Variants in TUBGCP6 observed in about 807,000 individuals in gnomAD.
The protein encoded by TUBGCP6 is gamma-tubulin complex component 6.
In TUBGCP6, 161 loss-of-function variants were observed where a neutral mutation model predicts 175.8. The ratio of observed to expected loss-of-function variants is 0.92; its 90% CI spans 0.81 to 1.04. The LOEUF is 1.04. Among genes scored for constraint, TUBGCP6 ranks in the 50% least tolerant of loss-of-function variants. The probability of loss-of-function intolerance (pLI) is 0.00; values close to 1 mark genes in which losing one functional copy is unlikely to be tolerated. For synonymous variants in TUBGCP6, 1,173 were observed against 1,030.5 expected (o/e 1.14, Z -2.65); for missense variants, 2,572 against 2,433.0 (o/e 1.06, Z -1.20).
Position 50,226,736 on chromosome 22 carries a change from G to C in TUBGCP6, c.1598C>G (p.Thr533Ser), listed in dbSNP as rs775128324. Residue 533 changes from threonine to serine, a missense_variant, in exon 7 of 25, where the codon ACC becomes AGC. Thr to Ser is a moderately conservative substitution (Grantham distance 58, BLOSUM62 1). Transcript: ENST00000248846. ...SLLKTSCEPY[T>S]RFIHDWVYSG... ...GCCTGCCCAGCCCACTGCCCACCGG[G>C]TGTAGGGCTCGCAGCTGGTCTTCAG... The C allele has an allele frequency of 1.3e-6, 2 of 1,580,584 alleles. No individual in the cohort carries two copies. The highest frequency in any genetic ancestry group is 8.6e-7 in the Non-Finnish European group (1 of 1,163,816).
rs1160140183 is a variant in TUBGCP6, at chr22:50,224,537, G to A, written c.2039C>T (p.Ala680Val). 6.2e-7 allele frequency: 1 copy of A among 1,614,188 alleles called. No homozygotes were observed. Among genetic ancestry groups the A allele is most frequent in the Non-Finnish European group, 8.5e-7 (1 of 1,180,036 alleles). Reference protein sequence around the residue: ...QELIAHAREAASRVLSALSDR... With the variant: ...QELIAHAREAVSRVLSALSDR... ...ACTCAGTGCACTCAGGACCCTGGAT[G>A]CTGCTTCCCGGGCATGAGCGATTAA... is the stretch of plus-strand genomic sequence containing the variant. Residue 680 changes from alanine (A) to valine (V), a missense_variant, in exon 11 of 25, where the codon GCA becomes GTA. Ala to Val is a moderately conservative substitution (Grantham distance 64). Coordinates refer to ENST00000248846, the MANE Select transcript of TUBGCP6 (RefSeq NM_020461.4).
In TUBGCP6 at chr22:50,226,045, C is replaced by G. The variant is rs774956801; in HGVS notation, c.1833+5G>C. 6.2e-7 allele frequency: 1 copy of G among 1,614,122 alleles called. No homozygotes were observed. The highest frequency in any genetic ancestry group is 1.1e-5 in the South Asian group (1 of 91,090). On this transcript the variant is annotated splice_donor_5th_base_variant and intron_variant, in intron 9 of 24. Transcript: ENST00000248846. ...TCTCTTCCCCACACATGAGCCCCTC[C>G]TCACCCGGGGGCAGCAGAGCTTCAG...
chr22:50,226,351 C>A lies in TUBGCP6; in HGVS notation c.1629G>T (p.Gly543=), dbSNP rs541009659. ...ACTCGCCATAAGCGTCTCTGAACAC[C>A]CCGCTGTACACCCAGTCGTGGATGA... The part of the protein sequence containing the change: ...TRFIHDWVYS[G]VFRDAYGEFM... The change falls in exon 8 of 25, where the codon GGG becomes GGT. Residue 543 remains glycine (G), a synonymous_variant. Coordinates refer to ENST00000248846, the MANE Select transcript of TUBGCP6 (RefSeq NM_020461.4). 2 of 1,612,366 alleles carry A rather than the reference C, an allele frequency of 1.2e-6. No individual in the cohort carries two copies. The highest frequency in any genetic ancestry group is 2.2e-5 in the South Asian group (2 of 90,894).
At chr22:50,227,794 G>C (rs56133520) in intron 5 of TUBGCP6, 113 bp downstream of exon 5, 3 of 1,436,804 alleles carry the variant, frequency 2.1e-6, no homozygotes, top group Non-Finnish European at 2.8e-6. Context: ...CGCCTGCTGA[G>C]GGCTGTTCTC....
chr22:50,224,041 G>A lies in TUBGCP6; in HGVS notation c.2270+100C>T, dbSNP rs115824792. 1,535 of 1,082,594 alleles carry A rather than the reference G, an allele frequency of 1.4e-3. 13 individuals carry two copies. The African/African-American group carries it at 0.023, about 16-fold the overall frequency. The allele number at this position is 1,082,594 out of a possible 1,614,324, so 67.1% of individuals were successfully genotyped here. A position where few individuals can be genotyped will look rare whatever the true frequency, so the allele number is the denominator to read the frequency against. Reference sequence around the variant, plus strand: ...CTTTCTACCTTAATGTATGTTTGAAGGTTTTCAAAACAAAAAGTAAAATCA... The same window carrying A: ...CTTTCTACCTTAATGTATGTTTGAAAGTTTTCAAAACAAAAAGTAAAATCA... On this transcript the variant is annotated intron_variant, in intron 13 of 24. Transcript: ENST00000248846.
rs749917931 is a variant in TUBGCP6 at position 50,218,744 on chromosome 22, T to G, written c.4780A>C (p.Asn1594His). The G allele has an allele frequency of 6.2e-7, 1 of 1,613,992 alleles. No homozygotes were observed. Residue 1594 changes from asparagine to histidine, a missense_variant, in exon 21 of 25, where the codon AAC (asparagine) becomes CAC (histidine). Asn to His is a moderately conservative substitution (Grantham distance 68). Coordinates refer to ENST00000248846, the MANE Select transcript of TUBGCP6 (RefSeq NM_020461.4). ...LKYLPEVFAP[N>H]APDVLSCLEL... ...AGGCAGCTCAGCACATCCGGGGCGT[T>G]GGGGGCAAACACCTCGGGCAGGTAC... is the stretch of plus-strand genomic sequence containing the variant.
chr22:50,224,330 ACCT>A lies in TUBGCP6; in HGVS notation c.2153_2154+1del. ...GACCCCGCAGGGACAGGTCCTACCC[ACCT>A]CCTGGTCCTTCACAAATTGTTCTTT... On this transcript the variant is annotated splice_donor_variant and coding_sequence_variant, in exon 12 of 25. Coordinates refer to ENST00000248846, the MANE Select transcript of TUBGCP6 (RefSeq NM_020461.4). LOFTEE classifies it high-confidence loss of function. The A allele has an allele frequency of 6.2e-7, 1 of 1,613,900 alleles. No homozygotes were observed. The highest frequency in any genetic ancestry group is 8.5e-7 in the Non-Finnish European group (1 of 1,179,974).
rs369920205 is a variant in TUBGCP6, at chr22:50,233,522, G to T, written c.910C>A (p.Pro304Thr). Residue 304 changes from proline (P) to threonine (T), a missense_variant, in exon 3 of 25, where the codon CCT becomes ACT. Coordinates refer to ENST00000248846, the MANE Select transcript of TUBGCP6 (RefSeq NM_020461.4). ...AGGTAAGGCTCCTCTCTGTGGCCAGGGGGGCTGCGAGGGGTGCAGAAGAGA... is the reference window on the plus strand; with the variant it reads ...AGGTAAGGCTCCTCTCTGTGGCCAGTGGGGCTGCGAGGGGTGCAGAAGAGA... ...RRCWERVGCP[P>T]GHREEPYLTE... 2.5e-6 allele frequency: 4 copies of T among 1,602,914 alleles called. No individual in the cohort carries two copies. The highest frequency in any genetic ancestry group is 3.4e-6 in the Non-Finnish European group (4 of 1,175,168).
rs201277381 is a variant in TUBGCP6, at chr22:50,224,253, G to A, written c.2158C>T (p.Arg720Cys). 15 of 1,613,970 alleles carry A rather than the reference G, an allele frequency of 9.3e-6. No homozygotes were observed. Among genetic ancestry groups the A allele is most frequent in the Middle Eastern group, 1.6e-4 (1 of 6,084 alleles). The part of the protein sequence containing the change: ...KEQFVKDQER[R>C]QAARQEELDD... Reference sequence around the variant, plus strand: ...AGCTCCTCCTGCCTGGCCGCCTGGCGTCGCTATAAAACACATAGAGCCTGG... The same window carrying A: ...AGCTCCTCCTGCCTGGCCGCCTGGCATCGCTATAAAACACATAGAGCCTGG... Residue 720 changes from arginine (R) to cysteine (C), a missense_variant, in exon 13 of 25, where the codon CGC becomes TGC. Physicochemically the swap from Arg to Cys is radical, Grantham distance 180. Coordinates refer to ENST00000248846, the MANE Select transcript of TUBGCP6 (RefSeq NM_020461.4).
chr22:50,219,889 G>A (rs754650170), intron 17 of TUBGCP6, 68 bp downstream of exon 17: 67 of 1,604,486 alleles, frequency 4.2e-5, no homozygotes, highest in Non-Finnish European at 4.9e-5. Flanking sequence ...GGACCCACCC[G>A]CGTGACAACC....
rs759966511 is a variant in TUBGCP6 at position 50,219,649 on chromosome 22, G to A, written c.4310C>T (p.Ser1437Phe). 2.5e-6 allele frequency: 4 copies of A among 1,613,382 alleles called. No individual in the cohort carries two copies. The highest frequency in any genetic ancestry group is 1.6e-4 in the Middle Eastern group (1 of 6,062). The change falls in exon 18 of 25, where the codon TCC (serine) becomes TTC (phenylalanine). Residue 1437 changes from serine to phenylalanine, a missense_variant. By Grantham distance (155) the Ser-to-Phe change is radical. Transcript: ENST00000248846. ...ACAGCAACTGCTGCACTCACACATG[G>A]ACTCGTAACTGTCCGGGTACCGCTC... ...HLERYPDSYE[S>F]MSEPPIAHLL... is the part of the protein sequence containing the mutation.
At position 50,217,803 on chromosome 22, in the gene TUBGCP6, CCG is replaced by C; in HGVS notation, c.5391_5392del (p.Gly1798LeufsTer32). ...AAAGTCCTCCAGGTGGGGCTGGTAG[CCG>C]CGGTTCACCAGCTTGGTCACCACTG... On this transcript the variant is annotated frameshift_variant, in exon 25 of 25. Coordinates refer to ENST00000248846, the MANE Select transcript of TUBGCP6 (RefSeq NM_020461.4). LOFTEE classifies it high-confidence loss of function. 1 of 1,613,960 alleles carries C rather than the reference CCG, an allele frequency of 6.2e-7. No individual in the cohort carries two copies. The highest frequency in any genetic ancestry group is 2.2e-5 in the East Asian group (1 of 44,876).
Position 50,218,705 on chromosome 22 carries a change from T to C in TUBGCP6, c.4819A>G (p.Lys1607Glu), listed in dbSNP as rs748427454. The C allele has an allele frequency of 1.9e-6, 3 of 1,613,734 alleles. No homozygotes were observed. The highest frequency in any genetic ancestry group is 2.2e-5 in the East Asian group (1 of 44,870). Residue 1607 changes from lysine to glutamate, a missense_variant and splice_region_variant, in exon 21 of 25, where the codon AAG becomes GAG. By Grantham distance (56) the Lys-to-Glu change is moderately conservative. Transcript: ENST00000248846. ...CCGCGGCCAGGGCTGCTGCTGACCT[T>C]GTACCTGAGCTCCAGGCAGCTCAGC... ...DVLSCLELRY[K>E]VDWPLNIVIT...
intron 11 of TUBGCP6, 41 bp downstream of exon 11, chr22:50,224,470 G>T: frequency 6.2e-7 from 1 of 1,614,084 alleles, no homozygotes; most frequent in Non-Finnish European, 8.5e-7. Context: ...CCCCAGCAAG[G>T]CCCCCCGGAA....
At position 50,224,114 on chromosome 22, in the gene TUBGCP6, C is replaced by A; in HGVS notation, c.2270+27G>T. ...ATGGGGCCCCTGCCGCACTGCACCC[C>A]TGGGCCTGGAGCCCGGGCTGCCCTA... is the stretch of plus-strand genomic sequence containing the variant. On this transcript the variant is annotated intron_variant, in intron 13 of 24. Coordinates refer to ENST00000248846, the MANE Select transcript of TUBGCP6 (RefSeq NM_020461.4). 1.9e-6 allele frequency: 3 copies of A among 1,607,178 alleles called. No homozygotes were observed. In the South Asian group the frequency reaches 3.3e-5, roughly 18 times the overall value.
In TUBGCP6 at chr22:50,244,275, G is replaced by A. The variant is rs926879920; in HGVS notation, c.185C>T (p.Ser62Leu). The change falls in exon 1 of 25, where the codon TCA becomes TTA. Residue 62 changes from serine to leucine, a missense_variant. Coordinates refer to ENST00000248846, the MANE Select transcript of TUBGCP6 (RefSeq NM_020461.4). ...GATCTTGTTTCTCGCTGGTAGTTTT[G>A]ACATGTCAGGCTGCAGCTGTTGAGT... ...DETQQLQPDM[S>L]KLPARNKILM... is the part of the protein sequence containing the mutation. 3 of 1,613,518 alleles carry A rather than the reference G, an allele frequency of 1.9e-6. No homozygotes were observed. The highest frequency in any genetic ancestry group is 2.5e-6 in the Non-Finnish European group (3 of 1,180,052).
In TUBGCP6 at chr22:50,219,279, G is replaced by A; in HGVS notation, c.4484+9C>T. 1.2e-6 allele frequency: 2 copies of A among 1,606,702 alleles called. No individual in the cohort carries two copies. Among genetic ancestry groups the A allele is most frequent in the Non-Finnish European group, 1.7e-6 (2 of 1,177,596 alleles). ...GTGGGCAGACTGGCGCAGGGGCAGGGGCACTCACTGGGCGGCCAGCGGTGC... is the reference window on the plus strand; with the variant it reads ...GTGGGCAGACTGGCGCAGGGGCAGGAGCACTCACTGGGCGGCCAGCGGTGC... On this transcript the variant is annotated intron_variant, in intron 19 of 24. Transcript: ENST00000248846.
In TUBGCP6 at chr22:50,220,665, C is replaced by T. The variant is rs17248287; in HGVS notation, c.3694G>A (p.Val1232Met). The T allele has an allele frequency of 4.2e-3, 6,800 of 1,612,196 alleles. 315 individuals are homozygous for T. In the Admixed American group the frequency reaches 0.087, roughly 21 times the overall value. Reference sequence around the variant, plus strand: ...TTGCACCGTGACCGGATGGGAGCCACGTCCGATACGTTCTCCCCAACCCTG... The same window carrying T: ...TTGCACCGTGACCGGATGGGAGCCATGTCCGATACGTTCTCCCCAACCCTG... ...SIRVGENVSD[V>M]APIRSRCNTH... The change falls in exon 16 of 25, where the codon GTG becomes ATG. Residue 1232 changes from valine (V) to methionine (M), a missense_variant. By Grantham distance (21) the Val-to-Met change is conservative. Coordinates refer to ENST00000248846, the MANE Select transcript of TUBGCP6 (RefSeq NM_020461.4).
rs774580833 is a variant in TUBGCP6 at position 50,244,506 on chromosome 22, C to G, written c.-47G>C. Reference sequence around the variant, plus strand: ...CCCGGCGTGTGGGAAAACACCTCACCCGGGCTTCACTCACGCTCCGGAAGA... The same window carrying G: ...CCCGGCGTGTGGGAAAACACCTCACGCGGGCTTCACTCACGCTCCGGAAGA... On this transcript the variant is annotated 5_prime_UTR_variant, in exon 1 of 25. Coordinates refer to ENST00000248846, the MANE Select transcript of TUBGCP6 (RefSeq NM_020461.4). 1 of 1,545,654 alleles carries G rather than the reference C, an allele frequency of 6.5e-7. No homozygotes were observed. Among genetic ancestry groups the G allele is most frequent in the African/African-American group, 1.4e-5 (1 of 73,410 alleles).
Sources: gnomAD v4.1 joint callset for allele counts on GRCh38, gnomAD v4.1.1 for gene constraint, MANE v1.5 for transcripts, NCBI Gene and HGNC (gene_info 2026-07-23, HGNC 2026-07-21) for gene names.